Variants in PIP5K1A observed in about 807,000 individuals in gnomAD.
The protein encoded by PIP5K1A is phosphatidylinositol-4-phosphate 5-kinase type 1 alpha, also known as phosphatidylinositol 4-phosphate 5-kinase type-1 alpha.
A neutral mutation model predicts 72.9 loss-of-function variants in PIP5K1A; 46 were observed. The ratio of observed to expected loss-of-function variants is 0.63; its 90% confidence interval spans 0.50 to 0.81. The LOEUF (loss-of-function observed/expected upper bound fraction) is 0.81. Among genes scored for constraint, PIP5K1A ranks in the 30% least tolerant of loss-of-function variants. The probability of loss-of-function intolerance (pLI) is 0.00; values close to 1 mark genes in which losing one functional copy is unlikely to be tolerated. For missense variants in PIP5K1A, 458 were observed against 706.1 expected, an observed-to-expected ratio of 0.65 and a Z score of 3.98; for synonymous variants, 228 against 255.1, an observed-to-expected ratio of 0.89 and a Z score of 1.01.
upstream of PIP5K1A, chr1:151,198,219 C>T: frequency 2.5e-6 from 1 of 405,398 alleles, no homozygotes. Flanking sequence ...TTGTGATATT[C>T]GACACCTTAA....
rs1691202006 is a variant in PIP5K1A, at chr1:151,238,483, T to G, written c.1229+218T>G. 33 of 517,478 alleles carry G rather than the reference T, an allele frequency of 6.4e-5. No homozygotes were observed. In the South Asian group the frequency reaches 6.9e-4, roughly 11 times the overall value. 32.1% of individuals were successfully genotyped at this position (517,478 alleles called of 1,614,324 possible). On this transcript the variant is annotated intron_variant, in intron 10 of 15. Transcript: ENST00000368888. Reference sequence around the variant, plus strand: ...TCCTCCCCCATCTCCCCAGACATAATGTATACCTTCTGTGGAAAGCTGAGT... The same window carrying G: ...TCCTCCCCCATCTCCCCAGACATAAGGTATACCTTCTGTGGAAAGCTGAGT...
intron 1 of PIP5K1A, among the ~76,000 whole-genome samples, chr1:151,219,703 GAAAC>G (rs971263284): frequency 7.3e-5 from 11 of 150,928 alleles, no homozygotes; most frequent in Admixed American, 3.3e-4. Flanking sequence ...TAAAAAAAAA[GAAAC>G]AAAACTGGAA....
chr1:151,220,669 G>A (rs1446824649), intron 1 of PIP5K1A, among the ~76,000 whole-genome samples: 7 of 152,126 alleles, frequency 4.6e-5, no homozygotes, highest in Non-Finnish European at 1.0e-4. Flanking sequence ...GTTTCGCCAT[G>A]TTGGCAAGGC....
intron 3 of PIP5K1A, among the ~76,000 whole-genome samples, chr1:151,226,497 A>G (rs936906328): frequency 2.0e-5 from 3 of 151,734 alleles, no homozygotes; most frequent in African/African-American, 7.3e-5. Flanking sequence ...GGATCACCTG[A>G]GGTCAGGAGT....
chr1:151,237,307 G>A (rs1570975766), intron 9 of PIP5K1A, among the ~76,000 whole-genome samples: 1 of 152,214 alleles, frequency 6.6e-6, no homozygotes, highest in African/African-American at 2.4e-5. Context: ...AAGGAGAGCT[G>A]TTCAAGAGTT....
intron 4 of PIP5K1A, among the ~76,000 whole-genome samples, chr1:151,230,634 C>T (rs1357077093): frequency 6.6e-6 from 1 of 152,178 alleles, no homozygotes; most frequent in East Asian, 1.9e-4. Flanking sequence ...CTCCGCCTCC[C>T]AGCTTCAAGC....
intron 1 of PIP5K1A, among the ~76,000 whole-genome samples, chr1:151,213,093 T>C (rs587699641): frequency 5.3e-5 from 8 of 152,036 alleles, no homozygotes; most frequent in Admixed American, 2.6e-4. Context: ...GGGGTTTCAC[T>C]GTGTTAGCCA....
intron 9 of PIP5K1A, 126 bp downstream of exon 9, chr1:151,236,889 A>G: frequency 1.5e-6 from 1 of 660,816 alleles, no homozygotes; most frequent in Non-Finnish European, 2.5e-6. Context: ...GTGCAATGGC[A>G]CGATCTCAGC....
At chr1:151,214,747 G>T (rs915962832) in intron 1 of PIP5K1A, among the ~76,000 whole-genome samples, 1 of 151,936 alleles carries the variant, frequency 6.6e-6, no homozygotes, top group South Asian at 2.1e-4. Context: ...AATCTACCTT[G>T]TGACTGTCGC....
chr1:151,233,978 T>C (rs975691222), intron 7 of PIP5K1A, among the ~76,000 whole-genome samples: 2 of 152,152 alleles, frequency 1.3e-5, no homozygotes, highest in African/African-American at 4.8e-5. Flanking sequence ...CCTGGCTGAT[T>C]TCTGTATTGG....
intron 12 of PIP5K1A, among the ~76,000 whole-genome samples, chr1:151,241,244 G>C (rs1356498912): frequency 1.3e-5 from 2 of 152,126 alleles, no homozygotes; most frequent in African/African-American, 2.4e-5. Flanking sequence ...TCTCACACCA[G>C]TAATCCCAGC....
In PIP5K1A at chr1:151,239,209, G is replaced by A. The variant is rs373479457; in HGVS notation, c.1278+31G>A. Reference sequence around the variant, plus strand: ...TAGTAATACTAGAGGCTCTCTTACCGTACACTTCTGCCTCCATCACTTCTG... The same window carrying A: ...TAGTAATACTAGAGGCTCTCTTACCATACACTTCTGCCTCCATCACTTCTG... On this transcript the variant is annotated intron_variant, in intron 11 of 15. Transcript: ENST00000368888. The A allele has an allele frequency of 8.5e-6, 12 of 1,418,270 alleles. No homozygotes were observed. The African/African-American group carries it at 9.9e-5, about 12-fold the overall frequency. The allele number at this position is 1,418,270 out of a possible 1,614,324, so 87.9% of individuals were successfully genotyped here.
At chr1:151,229,811 T>C (rs952761649) in intron 4 of PIP5K1A, among the ~76,000 whole-genome samples, 1 of 150,132 alleles carries the variant, frequency 6.7e-6, no homozygotes, top group African/African-American at 2.4e-5. Flanking sequence ...AGGCTGGGCA[T>C]GGTGGCTCAT....
upstream of PIP5K1A, chr1:151,198,521 C>A (rs928508990): frequency 1.3e-4 from 25 of 194,472 alleles, no homozygotes; most frequent in Non-Finnish European, 2.4e-4. Flanking sequence ...GGCTGATGCC[C>A]CGAGAAGGTC....
At chr1:151,213,611 G>A (rs6673772) in intron 1 of PIP5K1A, 122,399 of 152,098 alleles carry the variant, frequency 0.8, 49,798 homozygotes, top group Non-Finnish European at 0.87. Flanking sequence ...GTATGAGAAC[G>A]TAAGACTTAT....
chr1:151,197,559 G>A (rs1414819639), upstream of PIP5K1A, among the ~76,000 whole-genome samples: 1 of 152,224 alleles, frequency 6.6e-6, no homozygotes, highest in African/African-American at 2.4e-5. Context: ...GATTACAGGC[G>A]TGAGCCACCG....
chr1:151,227,434 A>G, intron 4 of PIP5K1A, 34 bp downstream of exon 4: 1 of 1,411,716 alleles, frequency 7.1e-7, no homozygotes, highest in South Asian at 1.2e-5. Flanking sequence ...ATCTTACTCC[A>G]GGAGCTCAGC....
intron 9 of PIP5K1A, 58 bp downstream of exon 9, chr1:151,236,821 C>CTTT (rs369523470): frequency 0.039 from 18,921 of 489,228 alleles, 25 homozygotes; most frequent in South Asian, 0.042. Context: ...CTTTTCTTTT[C>CTTT]TTTTTTTTTT....
At chr1:151,245,852 A>C (rs1692426739) in intron 14 of PIP5K1A, among the ~76,000 whole-genome samples, 1 of 152,166 alleles carries the variant, frequency 6.6e-6, no homozygotes, top group Non-Finnish European at 1.5e-5. Flanking sequence ...CCCAAATTTT[A>C]GATTTTTGTT....
Sources: allele counts gnomAD v4.1 joint callset (sites outside exome capture counted in the v4.1 genomes callset), GRCh38; gene constraint gnomAD v4.1.1; transcripts MANE v1.5; gene names NCBI Gene and HGNC (gene_info 2026-07-23, HGNC 2026-07-21).